The following TRPM6 variants were observed in gnomAD, a reference collection of about 807,000 sequenced individuals.
The protein encoded by TRPM6 is transient receptor potential cation channel subfamily M member 6.
In TRPM6, 111 loss-of-function variants were observed where a neutral mutation model predicts 247.6. That is an observed-to-expected ratio of 0.45 (90% CI 0.38 to 0.52). TRPM6 has a LOEUF of 0.52. Ranked by LOEUF, TRPM6 falls within the 20% of genes least tolerant of loss-of-function variation. TRPM6 has a pLI of 0.00. For missense variants in TRPM6, 2,126 were observed against 2,421.5 expected, an observed-to-expected ratio of 0.88 and a Z score of 2.56; for synonymous variants, 892 against 853.8, an observed-to-expected ratio of 1.04 and a Z score of -0.78.
chr9:74,844,600 A>C (rs1249943880), intron 3 of TRPM6, among the ~76,000 whole-genome samples: 1 of 152,230 alleles, frequency 6.6e-6, no homozygotes, highest in Admixed American at 6.5e-5. Flanking sequence ...ATTCTGGATT[A>C]GTCTTTCATT....
intron 36 of TRPM6, among the ~76,000 whole-genome samples, chr9:74,733,903 C>T (rs533698911): frequency 3.6e-4 from 55 of 152,244 alleles, no homozygotes; most frequent in East Asian, 7.7e-4. Context: ...GAATAGAAAC[C>T]ACCAAATTCT....
chr9:74,744,918 C>A (rs1327825), intron 31 of TRPM6, among the ~76,000 whole-genome samples: 10,928 of 152,262 alleles, frequency 0.072, 431 homozygotes, highest in East Asian at 0.14. Flanking sequence ...ACGAGAATCA[C>A]TTCCTTTAGG....
intron 32 of TRPM6, 145 bp from the exon 33 acceptor site, chr9:74,742,771 T>C (rs1197800052): frequency 2.7e-6 from 2 of 743,104 alleles, no homozygotes; most frequent in Non-Finnish European, 4.5e-6. Flanking sequence ...TAATCTATAA[T>C]ACAGTCTTAA....
intron 17 of TRPM6, among the ~76,000 whole-genome samples, chr9:74,798,859 T>C (rs1343780221): frequency 6.6e-6 from 1 of 152,190 alleles, no homozygotes; most frequent in Non-Finnish European, 1.5e-5. Context: ...ACTTCACAAG[T>C]CTCCTTTTTG....
chr9:74,855,567 T>C lies in TRPM6; in HGVS notation c.114-2A>G. ...CAGACTTGGCATACTGGAGTACATC[T>C]AAATTAAAGAAATAAAACCTCTGTT... On this transcript the variant is annotated splice_acceptor_variant, in intron 2 of 38. Transcript: ENST00000360774. LOFTEE classifies it high-confidence loss of function. The C allele has an allele frequency of 6.3e-7, 1 of 1,594,828 alleles. No individual in the cohort carries two copies. Among genetic ancestry groups the C allele is most frequent in the Non-Finnish European group, 8.6e-7 (1 of 1,162,774 alleles).
At chr9:74,758,246 G>A (rs1826501828) in intron 27 of TRPM6, among the ~76,000 whole-genome samples, 1 of 152,030 alleles carries the variant, frequency 6.6e-6, no homozygotes, top group African/African-American at 2.4e-5. Flanking sequence ...CCAGAAAACT[G>A]AAGAGGAGGG....
intron 1 of TRPM6, among the ~76,000 whole-genome samples, chr9:74,878,421 T>C (rs953144927): frequency 3.3e-5 from 5 of 152,208 alleles, no homozygotes; most frequent in African/African-American, 1.2e-4. Context: ...GCCCAAGGAC[T>C]GGCCCATCTT....
rs894878798 is a variant in TRPM6, at chr9:74,851,010, T to C, written c.152+4517A>G. 4.6e-5 allele frequency among the ~76,000 whole-genome samples: 7 copies of C among 152,360 alleles called. No homozygotes were observed. The South Asian group carries it at 1.2e-3, about 27-fold the overall frequency. Reference sequence around the variant, plus strand: ...CCTCATCTGGAGAGATAACTCATTATGCTTTTATAAGGCAGTTCTTTAGTG... The same window carrying C: ...CCTCATCTGGAGAGATAACTCATTACGCTTTTATAAGGCAGTTCTTTAGTG... On this transcript the variant is annotated intron_variant, in intron 3 of 38. Transcript: ENST00000360774.
At chr9:74,783,809 C>G (rs531543880) in intron 21 of TRPM6, among the ~76,000 whole-genome samples, 4 of 152,322 alleles carry the variant, frequency 2.6e-5, no homozygotes, top group Admixed American at 6.5e-5. Flanking sequence ...TGTCTCTTTT[C>G]TGTCCTCTTT....
At chr9:74,748,203 T>C (rs957743171) in intron 30 of TRPM6, among the ~76,000 whole-genome samples, 14 of 152,222 alleles carry the variant, frequency 9.2e-5, no homozygotes, top group African/African-American at 2.7e-4. Context: ...TTTGTAATTA[T>C]GCTGGTGTAA....
intron 9 of TRPM6, among the ~76,000 whole-genome samples, chr9:74,819,882 G>A (rs766333482): frequency 1.3e-5 from 2 of 152,156 alleles, no homozygotes; most frequent in African/African-American, 2.4e-5. Flanking sequence ...TGGAGAGTGC[G>A]GACAGCAGTG....
chr9:74,776,370 A>G (rs1005412916), intron 23 of TRPM6, among the ~76,000 whole-genome samples: 2 of 152,212 alleles, frequency 1.3e-5, no homozygotes, highest in Admixed American at 1.3e-4. Flanking sequence ...GGAACTCAAC[A>G]CTACTCTCAA....
At chr9:74,734,652 C>G (rs1328794425) in intron 36 of TRPM6, among the ~76,000 whole-genome samples, 1 of 152,164 alleles carries the variant, frequency 6.6e-6, no homozygotes, top group African/African-American at 2.4e-5. Flanking sequence ...AAAAAATGTT[C>G]AGTTACTTGT....
intron 25 of TRPM6, among the ~76,000 whole-genome samples, chr9:74,768,175 G>A (rs777590881): frequency 6.6e-6 from 1 of 151,988 alleles, no homozygotes; most frequent in Non-Finnish European, 1.5e-5. Context: ...TTATGATACC[G>A]CCTTCTTCTA....
At chr9:74,803,743 C>T (rs372409295) in intron 15 of TRPM6, 51 bp downstream of exon 15, 5 of 1,271,530 alleles carry the variant, frequency 3.9e-6, no homozygotes, top group East Asian at 4.6e-5. Flanking sequence ...GAAACAGTCT[C>T]GAGCTGCAAA....
chr9:74,805,099 A>C (rs1462355089), intron 14 of TRPM6, among the ~76,000 whole-genome samples: 1 of 152,200 alleles, frequency 6.6e-6, no homozygotes, highest in Non-Finnish European at 1.5e-5. Flanking sequence ...GAATCAAGTA[A>C]TTTTTCTAAC....
chr9:74,832,005 TCTATGCAACGACTG>T (rs1829563716), intron 6 of TRPM6, among the ~76,000 whole-genome samples: 1 of 152,172 alleles, frequency 6.6e-6, no homozygotes, highest in Admixed American at 6.6e-5. Context: ...AAATAATGAA[TCTATGCAACGACTG>T]CTAACATTAT....
rs774718350 is a variant in TRPM6 at position 74,796,780 on chromosome 9, A to G, written c.2352T>C (p.Ser784=). The G allele has an allele frequency of 1.5e-5, 25 of 1,613,974 alleles. No individual in the cohort carries two copies. The highest frequency in any genetic ancestry group is 1.5e-4 in the South Asian group (14 of 91,086). The change falls in exon 18 of 39, where the codon AGT becomes AGC. Residue 784 remains serine (S), a synonymous_variant. Coordinates refer to ENST00000360774, the MANE Select transcript of TRPM6 (RefSeq NM_017662.5). ...CTTTGGAACTGCTGGCGTTCTGGTC[A>G]CTGTAATACCACATAAATTGGAAGT... is the stretch of plus-strand genomic sequence containing the variant. ...SQDFQFMWYY[S]DQNASSSKES... is the part of the protein sequence containing the mutation.
In TRPM6 at chr9:74,744,087, C is replaced by T. The variant is rs963952060; in HGVS notation, c.5134+8G>A. 6.2e-7 allele frequency: 1 copy of T among 1,613,622 alleles called. No individual in the cohort carries two copies. Among genetic ancestry groups the T allele is most frequent in the African/African-American group, 1.3e-5 (1 of 74,914 alleles). On this transcript the variant is annotated splice_region_variant and intron_variant, in intron 32 of 38. Transcript: ENST00000360774. ...CAGCTGACATGTCTATGTGCATATG[C>T]ATCCTACCTGAATAATGATGGTGAG...
Sources: gnomAD v4.1 joint callset for allele counts (sites outside exome capture counted in the v4.1 genomes callset) on GRCh38, gnomAD v4.1.1 for gene constraint, MANE v1.5 for transcripts, NCBI Gene and HGNC (gene_info 2026-07-23, HGNC 2026-07-21) for gene names.